GPC5: variants seen among roughly 807,000 people sequenced by gnomAD.
The protein encoded by GPC5 is glypican 5, also known as glypican-5.
GPC5 carries 47 observed loss-of-function variants against 53.9 expected under a neutral mutation model. The observed-to-expected ratio is 0.87, with a 90% CI of 0.69 to 1.11. The LOEUF is 1.11. Ranked by LOEUF, GPC5 falls within the 50% of genes most tolerant of loss-of-function variation. The pLI is 0.00. For missense variants in GPC5, 748 were observed against 713.1 expected (o/e 1.05, Z -0.56); for synonymous variants, 286 against 263.3 (o/e 1.09, Z -0.84).
At chr13:91,640,244 T>G (rs938157702) in intron 2 of GPC5, among the ~76,000 whole-genome samples, 1 of 152,164 alleles carries the variant, frequency 6.6e-6, no homozygotes, top group Non-Finnish European at 1.5e-5. Flanking sequence ...ATCTATCTGA[T>G]AAAGGTCTAG....
intron 7 of GPC5, among the ~76,000 whole-genome samples, chr13:92,775,263 C>T (rs1472236336): frequency 8.5e-5 from 13 of 152,254 alleles, no homozygotes; most frequent in African/African-American, 2.9e-4. Context: ...GAATGAAAAA[C>T]ACGAAGTGTA....
At chr13:92,767,855 C>G (rs1434366296) in intron 7 of GPC5, among the ~76,000 whole-genome samples, 1 of 152,068 alleles carries the variant, frequency 6.6e-6, no homozygotes, top group Non-Finnish European at 1.5e-5. Context: ...CAGTTGACAC[C>G]CACCCTAGAT....
chr13:91,514,233 T>C (rs1246796709), intron 2 of GPC5, among the ~76,000 whole-genome samples: 1 of 152,196 alleles, frequency 6.6e-6, no homozygotes, highest in African/African-American at 2.4e-5. Context: ...ATTTTTTTCC[T>C]GAATGGCTGT....
chr13:92,455,529 C>T (rs1594215921), intron 7 of GPC5, among the ~76,000 whole-genome samples: 1 of 151,974 alleles, frequency 6.6e-6, no homozygotes, highest in Non-Finnish European at 1.5e-5. Flanking sequence ...CAAAAACACA[C>T]TGATTTTATA....
At chr13:91,810,711 C>T (rs1405445004) in intron 5 of GPC5, among the ~76,000 whole-genome samples, 3 of 151,748 alleles carry the variant, frequency 2.0e-5, no homozygotes, top group East Asian at 1.9e-4. Context: ...TATGCTATGT[C>T]GTTATAACAG....
At chr13:92,787,690 AAAAG>A (rs1311043932) in intron 7 of GPC5, among the ~76,000 whole-genome samples, 5 of 149,012 alleles carry the variant, frequency 3.4e-5, no homozygotes, top group East Asian at 2.0e-4. Context: ...AAAAGAAAAG[AAAAG>A]AAAGAAAGAA....
At chr13:92,728,246 T>G (rs1206380915) in intron 7 of GPC5, among the ~76,000 whole-genome samples, 1 of 151,498 alleles carries the variant, frequency 6.6e-6, no homozygotes, top group Non-Finnish European at 1.5e-5. Context: ...TAGGAAAGAT[T>G]GATGAGCATA....
intron 1 of GPC5, among the ~76,000 whole-genome samples, chr13:91,438,962 G>T (rs28653296): frequency 0.012 from 1,760 of 152,366 alleles, 26 homozygotes; most frequent in South Asian, 0.08. Context: ...CTCCGAGCCA[G>T]GTGCGGGATA....
intron 7 of GPC5, among the ~76,000 whole-genome samples, chr13:92,718,889 C>A (rs1321441451): frequency 7.6e-6 from 1 of 131,946 alleles, no homozygotes; most frequent in African/African-American, 2.8e-5. Context: ...AGACTCCGTC[C>A]CCCCACAAAA....
In GPC5 at chr13:92,359,474, C is replaced by T. The variant is rs149270259; in HGVS notation, c.1561+214485C>T. On this transcript the variant is annotated intron_variant, in intron 7 of 7. Transcript: ENST00000377067. ...CCTCTGCCCATTACCCAGTCCCAAA[C>T]GTGCATCCACATTTTCAGATGTCTT... Among the ~76,000 whole-genome samples the T allele has an allele frequency of 1.6e-4, 25 of 151,772 alleles. No individual in the cohort carries two copies. The East Asian group carries it at 2.5e-3, about 15-fold the overall frequency.
At chr13:91,698,842 T>G (rs1219942353) in intron 3 of GPC5, among the ~76,000 whole-genome samples, 1 of 152,112 alleles carries the variant, frequency 6.6e-6, no homozygotes, top group Non-Finnish European at 1.5e-5. Flanking sequence ...GGTGGCAGAG[T>G]GCATCACCTT....
intron 5 of GPC5, among the ~76,000 whole-genome samples, chr13:91,892,519 ATG>A (rs2039397743): frequency 6.6e-6 from 1 of 151,740 alleles, no homozygotes; most frequent in African/African-American, 2.4e-5. Flanking sequence ...ATACAAAATT[ATG>A]TATATTAATT....
chr13:91,936,075 A>T (rs1187348009), intron 6 of GPC5, among the ~76,000 whole-genome samples: 1 of 152,040 alleles, frequency 6.6e-6, no homozygotes, highest in Non-Finnish European at 1.5e-5. Context: ...GATTTTAATT[A>T]CCAAGGTATA....
chr13:91,734,422 C>T (rs1429785290), intron 4 of GPC5, among the ~76,000 whole-genome samples: 1 of 151,176 alleles, frequency 6.6e-6, no homozygotes, highest in East Asian at 1.9e-4. Context: ...ACTGAATGTC[C>T]CAATGTGAGA....
chr13:91,764,352 C>T (rs964233665), intron 5 of GPC5, among the ~76,000 whole-genome samples: 5 of 152,134 alleles, frequency 3.3e-5, no homozygotes, highest in African/African-American at 9.7e-5. Flanking sequence ...TCTTTAATGA[C>T]GTATTGGCTT....
At chr13:92,499,578 CT>C (rs2138929174) in intron 7 of GPC5, among the ~76,000 whole-genome samples, 1 of 152,142 alleles carries the variant, frequency 6.6e-6, no homozygotes, top group East Asian at 1.9e-4. Flanking sequence ...ATAAATTTAC[CT>C]GAAAAGTGCA....
intron 7 of GPC5, among the ~76,000 whole-genome samples, chr13:92,238,585 TG>T (rs2042586900): frequency 1.3e-5 from 2 of 152,090 alleles, no homozygotes; most frequent in African/African-American, 4.8e-5. Context: ...AGAGTCCTTA[TG>T]TATTCTAGAC....
chr13:92,048,630 C>A (rs942440934), intron 6 of GPC5, among the ~76,000 whole-genome samples: 2 of 152,214 alleles, frequency 1.3e-5, no homozygotes, highest in African/African-American at 4.8e-5. Context: ...AATACACTGA[C>A]TTCTATGATT....
rs2042465196 is a variant in GPC5, at chr13:92,223,722, T to C, written c.1561+78733T>C. Among the ~76,000 whole-genome samples, 3 of 152,156 alleles carry C rather than the reference T, an allele frequency of 2.0e-5. No individual in the cohort carries two copies. The South Asian group carries it at 6.2e-4, about 31-fold the overall frequency. On this transcript the variant is annotated intron_variant, in intron 7 of 7. Transcript: ENST00000377067. ...GGATAAGTTTGTAAGAAACTAGCTT[T>C]TTTATATTTAACAAAAGCTGGCTTT...
Sources: allele counts gnomAD v4.1 joint callset (sites outside exome capture counted in the v4.1 genomes callset), GRCh38; gene constraint gnomAD v4.1.1; transcripts MANE v1.5; gene names NCBI Gene and HGNC (gene_info 2026-07-23, HGNC 2026-07-21).